KIRREL1: variants seen among roughly 807,000 people sequenced by gnomAD.
KIRREL1 encodes the protein kin of IRRE-like protein 1.
KIRREL1 carries 25 observed loss-of-function variants against 83.3 expected under a neutral mutation model. The ratio of observed to expected loss-of-function variants is 0.30; its 90% CI spans 0.22 to 0.42. The LOEUF (loss-of-function observed/expected upper bound fraction) is 0.42, where lower values mean the gene tolerates loss of function less well. Ranked by LOEUF, KIRREL1 falls within the 10% of genes least tolerant of loss-of-function variation. KIRREL1 has a pLI of 1.00. For missense variants in KIRREL1, 812 were observed against 1,032.3 expected (o/e 0.79, Z 2.92); for synonymous variants, 388 against 410.4 (o/e 0.95, Z 0.66).
At chr1:158,078,608 T>C (rs556902874) in intron 3 of KIRREL1, among the ~76,000 whole-genome samples, 1 of 152,130 alleles carries the variant, frequency 6.6e-6, no homozygotes, top group East Asian at 1.9e-4. Flanking sequence ...CACACAACCC[T>C]TCTTCCCTCA....
At chr1:158,000,396 A>T (rs1406304955) in intron 1 of KIRREL1, among the ~76,000 whole-genome samples, 1 of 152,198 alleles carries the variant, frequency 6.6e-6, no homozygotes, top group Non-Finnish European at 1.5e-5. Flanking sequence ...CTTGCCTTGC[A>T]TGCCCTGCAT....
chr1:158,039,508 AGAGCTGG>A (rs1310889875), intron 1 of KIRREL1, among the ~76,000 whole-genome samples: 1 of 152,122 alleles, frequency 6.6e-6, no homozygotes, highest in Non-Finnish European at 1.5e-5. Flanking sequence ...GCGGGATGTG[AGAGCTGG>A]GCAAGCTGGG....
rs186210914 is a variant in KIRREL1, at chr1:158,077,012, T to A, written c.202+750T>A. The stretch of plus-strand genomic sequence containing the variant: ...TTACTGTGTGAAGCAGGCATAGTGG[T>A]TGCAGGCCGGTCTGCCTTAGAAGTG... On this transcript the variant is annotated intron_variant, in intron 2 of 14. Coordinates refer to ENST00000359209, the MANE Select transcript of KIRREL1 (RefSeq NM_018240.7). Among the ~76,000 whole-genome samples the A allele has an allele frequency of 4.6e-5, 7 of 152,334 alleles. No individual in the cohort carries two copies. The East Asian group carries it at 1.4e-3, about 29-fold the overall frequency.
intron 1 of KIRREL1, among the ~76,000 whole-genome samples, chr1:158,007,301 T>G (rs1403726842): frequency 6.6e-6 from 1 of 152,104 alleles, no homozygotes; most frequent in Non-Finnish European, 1.5e-5. Context: ...GCGAGGGACG[T>G]TTCCTCAGAA....
intron 1 of KIRREL1, among the ~76,000 whole-genome samples, chr1:158,034,323 C>A (rs1660416949): frequency 6.6e-6 from 1 of 151,720 alleles, no homozygotes; most frequent in Non-Finnish European, 1.5e-5. Context: ...TATCCTTCTC[C>A]TCTTTGATTT....
intron 1 of KIRREL1, among the ~76,000 whole-genome samples, chr1:157,996,931 T>C (rs1440856367): frequency 2.6e-5 from 4 of 152,226 alleles, no homozygotes; most frequent in African/African-American, 9.6e-5. Flanking sequence ...TTCTCGCCTC[T>C]GCTCCTTCCC....
Position 158,071,947 on chromosome 1 carries a change from C to A in KIRREL1, c.53-4166C>A, listed in dbSNP as rs536298844. ...TTTTACATTGTAATGCTACTGGGTC[C>A]CCTCTCCCCTTCCTGCTAACTGATC... On this transcript the variant is annotated intron_variant, in intron 1 of 14. Transcript: ENST00000359209. Among the ~76,000 whole-genome samples the A allele has an allele frequency of 2.0e-5, 3 of 152,168 alleles. No homozygotes were observed. In the East Asian group the frequency reaches 5.8e-4, roughly 29 times the overall value.
intron 1 of KIRREL1, among the ~76,000 whole-genome samples, chr1:158,074,460 C>T (rs1661611210): frequency 6.6e-6 from 1 of 152,150 alleles, no homozygotes; most frequent in Admixed American, 6.5e-5. Context: ...AGAGCTTGGC[C>T]CTCTGCCTTA....
intron 1 of KIRREL1, among the ~76,000 whole-genome samples, chr1:158,047,648 T>C (rs1033255725): frequency 4.6e-5 from 7 of 152,150 alleles, no homozygotes; most frequent in African/African-American, 1.4e-4. Flanking sequence ...ATCATTCTGT[T>C]GTCCCTGTTT....
At chr1:158,079,335 G>A (rs2101628641) in intron 3 of KIRREL1, among the ~76,000 whole-genome samples, 1 of 152,174 alleles carries the variant, frequency 6.6e-6, no homozygotes, top group East Asian at 1.9e-4. Flanking sequence ...ATTGGTTGGT[G>A]TTTTTTGAGA....
intron 1 of KIRREL1, among the ~76,000 whole-genome samples, chr1:158,060,382 C>A (rs770023588): frequency 1.3e-5 from 2 of 152,198 alleles, no homozygotes; most frequent in Non-Finnish European, 2.9e-5. Context: ...CCCTGCACAG[C>A]TTAAGGCCCT....
intron 1 of KIRREL1, among the ~76,000 whole-genome samples, chr1:158,064,463 A>G (rs1215861086): frequency 1.3e-5 from 2 of 152,210 alleles, no homozygotes; most frequent in Non-Finnish European, 2.9e-5. Flanking sequence ...GTCCAAAGTA[A>G]GAAGAAAATT....
At chr1:157,996,082 A>T in intron 1 of KIRREL1, among the ~76,000 whole-genome samples, 1 of 135,294 alleles carries the variant, frequency 7.4e-6, no homozygotes, top group Non-Finnish European at 1.6e-5. Context: ...TGGTGGGGGA[A>T]TAGGGATGGG....
chr1:158,008,755 G>A (rs1295647382), intron 1 of KIRREL1, among the ~76,000 whole-genome samples: 1 of 152,134 alleles, frequency 6.6e-6, no homozygotes, highest in Non-Finnish European at 1.5e-5. Flanking sequence ...CATCATGCCC[G>A]TTTTAGAGAT....
At chr1:158,052,237 A>G (rs1023392728) in intron 1 of KIRREL1, among the ~76,000 whole-genome samples, 5 of 152,146 alleles carry the variant, frequency 3.3e-5, no homozygotes, top group Non-Finnish European at 7.4e-5. Flanking sequence ...CCACAAACAT[A>G]CATGGCCCCT....
Position 158,098,337 on chromosome 1 carries a change from CCTT to C in KIRREL1, c.*3220_*3222del, listed in dbSNP as rs1662405555. 1 of 152,200 alleles carries C rather than the reference CCTT, an allele frequency of 6.6e-6. No homozygotes were observed. 9.4% of individuals were successfully genotyped at this position (152,200 alleles called of 1,614,324 possible). On this transcript the variant is annotated 3_prime_UTR_variant, in exon 15 of 15. Coordinates refer to ENST00000359209, the MANE Select transcript of KIRREL1 (RefSeq NM_018240.7). ...GTTATGTGCCTAGGTTTCAGGCACT[CCTT>C]CTGTAGGGGAAAATGGGAGGAGCCT...
chr1:158,038,708 G>A (rs890326421), intron 1 of KIRREL1, among the ~76,000 whole-genome samples: 2 of 152,008 alleles, frequency 1.3e-5, no homozygotes, highest in Non-Finnish European at 2.9e-5. Context: ...ACAAACTGAC[G>A]ACTGAACAAA....
At chr1:158,080,307 G>T (rs1005966157) in intron 3 of KIRREL1, among the ~76,000 whole-genome samples, 1 of 152,176 alleles carries the variant, frequency 6.6e-6, no homozygotes, top group African/African-American at 2.4e-5. Context: ...GATGAAGAAA[G>T]GCCAGCTAAG....
At chr1:158,060,527 C>T (rs1661187665) in intron 1 of KIRREL1, among the ~76,000 whole-genome samples, 1 of 152,182 alleles carries the variant, frequency 6.6e-6, no homozygotes, top group South Asian at 2.1e-4. Flanking sequence ...TCTGCCTGTT[C>T]CGCCTCCACT....
Sources: allele counts gnomAD v4.1 joint callset (sites outside exome capture counted in the v4.1 genomes callset), GRCh38; gene constraint gnomAD v4.1.1; transcripts MANE v1.5; gene names NCBI Gene and HGNC (gene_info 2026-07-23, HGNC 2026-07-21).